The following FRMD4A variants were observed in gnomAD, a reference collection of about 807,000 sequenced individuals.
FRMD4A encodes FERM domain-containing protein 4A.
FRMD4A carries 29 observed loss-of-function variants against 129.1 expected under a neutral mutation model. That is an observed-to-expected ratio of 0.22 (90% CI 0.17 to 0.31). The LOEUF (loss-of-function observed/expected upper bound fraction) is 0.31, where lower values mean the gene tolerates loss of function less well. Among genes scored for constraint, FRMD4A ranks in the 10% least tolerant of loss-of-function variants. FRMD4A has a pLI of 1.00. For synonymous variants in FRMD4A, 634 were observed against 571.6 expected, an observed-to-expected ratio of 1.11 and a Z score of -1.56; for missense variants, 1,272 against 1,375.8, an observed-to-expected ratio of 0.92 and a Z score of 1.19.
At chr10:13,987,734 T>A (rs1458169209) in intron 2 of FRMD4A, among the ~76,000 whole-genome samples, 2 of 152,222 alleles carry the variant, frequency 1.3e-5, no homozygotes, top group Admixed American at 6.5e-5. Context: ...TACTTTTCTT[T>A]AACTCGATGC....
intron 18 of FRMD4A, among the ~76,000 whole-genome samples, chr10:13,665,760 G>C (rs2082981523): frequency 1.3e-5 from 2 of 152,224 alleles, no homozygotes; most frequent in South Asian, 2.1e-4. Context: ...TCAGGTCCCT[G>C]AGAGTGTCAG....
At chr10:14,096,461 T>C (rs991618251) in intron 2 of FRMD4A, among the ~76,000 whole-genome samples, 1 of 152,226 alleles carries the variant, frequency 6.6e-6, no homozygotes, top group Non-Finnish European at 1.5e-5. Flanking sequence ...AGACTTCTGA[T>C]CTCAAAATCC....
In FRMD4A at chr10:14,012,403, C is replaced by T. The variant is rs544193674; in HGVS notation, c.46-153491G>A. Among the ~76,000 whole-genome samples the T allele has an allele frequency of 1.5e-3, 228 of 152,190 alleles. 3 individuals are homozygous for T. Among genetic ancestry groups the T allele is most frequent in the Non-Finnish European group, 1.2e-3 (83 of 68,010 alleles). ...GAAAATGCATAGGAATCCATTGAGC[C>T]AGGTTTCAGGAAAGTCAATGGTCTT... On this transcript the variant is annotated intron_variant, in intron 2 of 24. Coordinates refer to ENST00000357447, the MANE Select transcript of FRMD4A (RefSeq NM_018027.5).
intron 2 of FRMD4A, among the ~76,000 whole-genome samples, chr10:13,974,751 T>G (rs2095535161): frequency 6.6e-6 from 1 of 152,120 alleles, no homozygotes; most frequent in African/African-American, 2.4e-5. Flanking sequence ...AGTCTTGAAC[T>G]CTTGACCTCA....
chr10:13,773,849 G>A (rs924280196), intron 6 of FRMD4A, among the ~76,000 whole-genome samples: 2 of 152,212 alleles, frequency 1.3e-5, no homozygotes, highest in African/African-American at 2.4e-5. Flanking sequence ...AGGGGCTGAT[G>A]GATGGGCACC....
In FRMD4A at chr10:13,726,187, T is replaced by C. The variant is rs189701579; in HGVS notation, c.759+11657A>G. On this transcript the variant is annotated intron_variant, in intron 12 of 24. Transcript: ENST00000357447. ...TACTAGGGAGGCTGAGGTGGGAGGA[T>C]TGCTTGAGCCCAGGAGGTCAAGGCT... Among the ~76,000 whole-genome samples, 12 of 152,174 alleles carry C rather than the reference T, an allele frequency of 7.9e-5. No homozygotes were observed. The East Asian group carries it at 2.3e-3, about 29-fold the overall frequency.
At chr10:13,660,665 A>C in intron 19 of FRMD4A, 112 bp from the exon 20 acceptor site, 1 of 683,194 alleles carries the variant, frequency 1.5e-6, no homozygotes, top group Admixed American at 2.5e-5. Flanking sequence ...CCAAACCCAC[A>C]CCTTCACCCC....
At chr10:14,290,873 T>C (rs912219518) in intron 2 of FRMD4A, among the ~76,000 whole-genome samples, 5 of 152,114 alleles carry the variant, frequency 3.3e-5, no homozygotes, top group Non-Finnish European at 5.9e-5. Flanking sequence ...ATATGATAAA[T>C]GACTTAGCAC....
At chr10:14,147,198 A>G (rs369078753) in intron 2 of FRMD4A, among the ~76,000 whole-genome samples, 48 of 152,314 alleles carry the variant, frequency 3.2e-4, no homozygotes, top group African/African-American at 1.2e-3. Context: ...CTGATGAGTC[A>G]GATCAGGTGA....
At chr10:13,826,933 G>C (rs552333300) in intron 3 of FRMD4A, among the ~76,000 whole-genome samples, 7 of 152,110 alleles carry the variant, frequency 4.6e-5, no homozygotes, top group African/African-American at 1.7e-4. Context: ...CGTGTCCTCG[G>C]GTCCAAAGAA....
rs542373261 is a variant in FRMD4A at position 14,036,665 on chromosome 10, G to A, written c.46-177753C>T. Among the ~76,000 whole-genome samples, 3 of 152,288 alleles carry A rather than the reference G, an allele frequency of 2.0e-5. No homozygotes were observed. The East Asian group carries it at 5.8e-4, about 29-fold the overall frequency. On this transcript the variant is annotated intron_variant, in intron 2 of 24. Transcript: ENST00000357447. ...GTCTTGCTCTGTTGCCCAGGCTGGAGCACAGTAGACAGGCTCAAGCAATTC... is the reference window on the plus strand; with the variant it reads ...GTCTTGCTCTGTTGCCCAGGCTGGAACACAGTAGACAGGCTCAAGCAATTC...
At chr10:13,781,903 A>G (rs12776298) in intron 6 of FRMD4A, among the ~76,000 whole-genome samples, 9 of 152,122 alleles carry the variant, frequency 5.9e-5, no homozygotes, top group African/African-American at 1.2e-4. Context: ...GACGGTGGGG[A>G]TGGTTATACA....
chr10:13,970,087 A>T (rs2095508658), intron 2 of FRMD4A, among the ~76,000 whole-genome samples: 1 of 152,138 alleles, frequency 6.6e-6, no homozygotes, highest in African/African-American at 2.4e-5. Flanking sequence ...TTCCCCCAGG[A>T]TTCTTTCAGA....
intron 14 of FRMD4A, among the ~76,000 whole-genome samples, chr10:13,695,106 T>C (rs2086089710): frequency 6.6e-6 from 1 of 152,146 alleles, no homozygotes. Context: ...AAACTCTATG[T>C]TCACATTGAC....
intron 2 of FRMD4A, among the ~76,000 whole-genome samples, chr10:14,263,324 G>A (rs1290960230): frequency 1.3e-5 from 2 of 152,184 alleles, no homozygotes; most frequent in East Asian, 1.9e-4. Context: ...TTCAGCCAGC[G>A]CAGGAGGGGG....
chr10:14,102,353 C>T (rs1837351740), intron 2 of FRMD4A, among the ~76,000 whole-genome samples: 1 of 152,188 alleles, frequency 6.6e-6, no homozygotes, highest in Admixed American at 6.5e-5. Flanking sequence ...ATAGTGAAAC[C>T]CCATCTCTAC....
At chr10:14,221,537 A>G (rs1312699021) in intron 2 of FRMD4A, among the ~76,000 whole-genome samples, 1 of 152,158 alleles carries the variant, frequency 6.6e-6, no homozygotes, top group Non-Finnish European at 1.5e-5. Flanking sequence ...CCCTAACATC[A>G]TTACTTTTAA....
intron 2 of FRMD4A, among the ~76,000 whole-genome samples, chr10:14,001,352 T>C (rs1288991596): frequency 6.6e-6 from 1 of 152,232 alleles, no homozygotes; most frequent in Non-Finnish European, 1.5e-5. Flanking sequence ...GGACAAGCTA[T>C]TCAAAGAAGA....
intron 2 of FRMD4A, among the ~76,000 whole-genome samples, chr10:14,272,292 C>T (rs1169358831): frequency 3.3e-5 from 5 of 152,130 alleles, no homozygotes; most frequent in African/African-American, 7.2e-5. Flanking sequence ...ATGTCACTTT[C>T]CCCCACAACC....
Sources: allele counts gnomAD v4.1 joint callset (sites outside exome capture counted in the v4.1 genomes callset), GRCh38; gene constraint gnomAD v4.1.1; transcripts MANE v1.5; gene names NCBI Gene and HGNC (gene_info 2026-07-23, HGNC 2026-07-21).